The following ATP6V1H variants were observed in gnomAD, a reference collection of about 807,000 sequenced individuals.
ATP6V1H encodes ATPase H+ transporting V1 subunit H.
In ATP6V1H, 39 loss-of-function variants were observed where a neutral mutation model predicts 71.7. The ratio of observed to expected loss-of-function variants is 0.54; its 90% CI spans 0.42 to 0.71. The LOEUF is 0.71. ATP6V1H is among the 30% of genes least tolerant of loss of function. The pLI, the probability that ATP6V1H is intolerant of heterozygous loss-of-function variation, is 0.00. For missense variants in ATP6V1H, 509 were observed against 594.9 expected, an observed-to-expected ratio of 0.86 and a Z score of 1.50; for synonymous variants, 192 against 199.3, an observed-to-expected ratio of 0.96 and a Z score of 0.31.
intron 2 of ATP6V1H, chr8:53,839,697 T>C (rs948550892): frequency 3.0e-5 from 30 of 985,450 alleles, no homozygotes; most frequent in Middle Eastern, 5.2e-4. Context: ...ACAAGATTCA[T>C]TGGTTTCCAA....
At chr8:53,745,464 C>T (rs1807566325) in intron 12 of ATP6V1H, among the ~76,000 whole-genome samples, 1 of 152,094 alleles carries the variant, frequency 6.6e-6, no homozygotes, top group African/African-American at 2.4e-5. Flanking sequence ...AAGGTCCTTT[C>T]ACAGTCAGCT....
At chr8:53,832,948 C>G (rs947553623) in intron 3 of ATP6V1H, 36 bp downstream of exon 3, 2 of 1,406,944 alleles carry the variant, frequency 1.4e-6, no homozygotes, top group Non-Finnish European at 2.0e-6. Context: ...TTGGATGACA[C>G]GGGGAAGTGT....
intron 7 of ATP6V1H, among the ~76,000 whole-genome samples, chr8:53,807,052 A>G (rs1044635486): frequency 6.6e-6 from 1 of 152,234 alleles, no homozygotes; most frequent in African/African-American, 2.4e-5. Flanking sequence ...GCAGACTACA[A>G]TTTAATAACA....
At chr8:53,774,812 G>A (rs1486686489) in intron 9 of ATP6V1H, among the ~76,000 whole-genome samples, 1 of 152,154 alleles carries the variant, frequency 6.6e-6, no homozygotes, top group Non-Finnish European at 1.5e-5. Context: ...GGAAACCACA[G>A]CCTCAATGAC....
intron 9 of ATP6V1H, among the ~76,000 whole-genome samples, chr8:53,787,275 C>T (rs901923130): frequency 5.3e-5 from 8 of 152,168 alleles, no homozygotes; most frequent in Admixed American, 1.3e-4. Flanking sequence ...GACGTTGAGG[C>T]AGAATTCCTG....
At chr8:53,732,429 T>C (rs1238526415) in intron 13 of ATP6V1H, among the ~76,000 whole-genome samples, 1 of 152,170 alleles carries the variant, frequency 6.6e-6, no homozygotes, top group Non-Finnish European at 1.5e-5. Context: ...AGAGTTAAGC[T>C]AACCCCTCAC....
chr8:53,796,187 A>G (rs13275279), intron 8 of ATP6V1H, among the ~76,000 whole-genome samples: 35,838 of 152,212 alleles, frequency 0.24, 5,702 homozygotes, highest in Middle Eastern at 0.45. Flanking sequence ...TGGGCAACCA[A>G]TAAGACCACC....
At chr8:53,716,984 T>G (rs890610649) in intron 13 of ATP6V1H, among the ~76,000 whole-genome samples, 1 of 152,234 alleles carries the variant, frequency 6.6e-6, no homozygotes, top group African/African-American at 2.4e-5. Context: ...CATGACCTCC[T>G]GGGTATTCCC....
At position 53,841,575 on chromosome 8, in the gene ATP6V1H, T is replaced by C. The variant is rs748857464; in HGVS notation, c.113+3A>G. On this transcript the variant is annotated splice_donor_region_variant and intron_variant, in intron 2 of 13. Coordinates refer to ENST00000359530, the MANE Select transcript of ATP6V1H (RefSeq NM_015941.4). ...CCATGATTCACAGCAAATTGGTACT[T>C]ACTGAAGATAGGATTGCCAGTTGAC... The C allele has an allele frequency of 2.5e-6, 4 of 1,613,984 alleles. No individual in the cohort carries two copies. The highest frequency in any genetic ancestry group is 1.7e-6 in the Non-Finnish European group (2 of 1,179,874).
At chr8:53,747,779 G>A (rs1400145039) in intron 12 of ATP6V1H, among the ~76,000 whole-genome samples, 4 of 151,800 alleles carry the variant, frequency 2.6e-5, no homozygotes, top group Non-Finnish European at 5.9e-5. Flanking sequence ...GTGACCTCGT[G>A]ATTCCCCCTG....
rs529517089 is a variant in ATP6V1H, at chr8:53,791,508, C to A, written c.870+4139G>T. 9.2e-5 allele frequency among the ~76,000 whole-genome samples: 14 copies of A among 152,342 alleles called. No individual in the cohort carries two copies. The East Asian group carries it at 2.7e-3, about 29-fold the overall frequency. ...GAGCCAGATTTATGTGCTCCATTTA[C>A]TCTCTCAGAAGTCACCTGGGTCAGG... On this transcript the variant is annotated intron_variant, in intron 9 of 13. Coordinates refer to ENST00000359530, the MANE Select transcript of ATP6V1H (RefSeq NM_015941.4).
intron 7 of ATP6V1H, among the ~76,000 whole-genome samples, chr8:53,804,415 C>G (rs996015370): frequency 6.6e-6 from 1 of 152,170 alleles, no homozygotes; most frequent in African/African-American, 2.4e-5. Context: ...TGGCTCACAC[C>G]TGTAACCCCA....
At chr8:53,734,114 CCAAAGGACAT>C (rs1807118680) in intron 13 of ATP6V1H, among the ~76,000 whole-genome samples, 1 of 152,170 alleles carries the variant, frequency 6.6e-6, no homozygotes, top group South Asian at 2.1e-4. Context: ...TTAATGAATA[CCAAAGGACAT>C]CATTGGCTAA....
chr8:53,727,149 G>T (rs1357103367), intron 13 of ATP6V1H, among the ~76,000 whole-genome samples: 1 of 152,184 alleles, frequency 6.6e-6, no homozygotes, highest in African/African-American at 2.4e-5. Flanking sequence ...CTTTCCCTAA[G>T]TAACCATCCC....
chr8:53,797,529 C>T (rs1390572502), intron 8 of ATP6V1H, among the ~76,000 whole-genome samples: 1 of 152,158 alleles, frequency 6.6e-6, no homozygotes, highest in East Asian at 1.9e-4. Context: ...GCAAAACCTC[C>T]TCCTCAAATG....
chr8:53,738,296 C>CAAAAA (rs59924832), intron 13 of ATP6V1H, among the ~76,000 whole-genome samples: 2 of 100,734 alleles, frequency 2.0e-5, no homozygotes, highest in African/African-American at 6.2e-5. Flanking sequence ...GACTCTGCCT[C>CAAAAA]AAAAAAAAAA....
Position 53,817,500 on chromosome 8 carries a change from C to G in ATP6V1H, c.337G>C (p.Asp113His), listed in dbSNP as rs1810489103. ...GTGTTCTTGCTACATCTTGCATAGTCAAAGAAAATGCTAACACGCTGATGA... is the reference window on the plus strand; with the variant it reads ...GTGTTCTTGCTACATCTTGCATAGTGAAAGAAAATGCTAACACGCTGATGA... The part of the protein sequence containing the change: ...ENHQRVSIFF[D>H]YARCSKNTAW... Residue 113 changes from aspartate to histidine, a missense_variant, in exon 5 of 14, where the codon GAC becomes CAC. This residue lies in a region of ATP6V1H where 297 missense variants were observed against 303.3 expected (regional missense o/e 0.98). Coordinates refer to ENST00000359530, the MANE Select transcript of ATP6V1H (RefSeq NM_015941.4). 2 of 1,608,684 alleles carry G rather than the reference C, an allele frequency of 1.2e-6. No homozygotes were observed. Among genetic ancestry groups the G allele is most frequent in the African/African-American group, 2.7e-5 (2 of 74,668 alleles).
At chr8:53,777,076 G>A (rs1808915592) in intron 9 of ATP6V1H, among the ~76,000 whole-genome samples, 2 of 152,176 alleles carry the variant, frequency 1.3e-5, no homozygotes, top group Non-Finnish European at 2.9e-5. Context: ...GTGACTTGCA[G>A]TGCAATATCA....
intron 12 of ATP6V1H, among the ~76,000 whole-genome samples, chr8:53,750,964 T>C (rs1807774470): frequency 6.6e-6 from 1 of 152,196 alleles, no homozygotes; most frequent in African/African-American, 2.4e-5. Context: ...TTTTACATTA[T>C]TATTATCAAT....
Sources: gnomAD v4.1 joint callset for allele counts (sites outside exome capture counted in the v4.1 genomes callset) on GRCh38, gnomAD v4.1.1 for gene constraint, gnomAD v4.1.1 regional missense constraint, MANE v1.5 for transcripts, NCBI Gene and HGNC (gene_info 2026-07-23, HGNC 2026-07-21) for gene names.